Variants in CCL28 observed in about 807,000 individuals in gnomAD.
CCL28 encodes C-C motif chemokine 28.
A neutral mutation model predicts 7.1 loss-of-function variants in CCL28; 4 were observed. The observed-to-expected ratio is 0.56, with a 90% CI of 0.28 to 1.29. The LOEUF (loss-of-function observed/expected upper bound fraction) is 1.29. CCL28 is among the 50% of genes most tolerant of loss of function. The pLI, the probability that CCL28 is intolerant of heterozygous loss-of-function variation, is 0.11. For synonymous variants in CCL28, 55 were observed against 57.8 expected (o/e 0.95, Z 0.22); for missense variants, 151 against 163.4 (o/e 0.92, Z 0.41).
At chr5:43,384,051 C>A in intron 2 of CCL28, 1 of 164,096 alleles carries the variant, frequency 6.1e-6, no homozygotes, top group South Asian at 1.3e-4. Context: ...GATCATGTCA[C>A]TGCACTCCAG....
chr5:43,411,741 C>T (rs1010238545), intron 1 of CCL28, among the ~76,000 whole-genome samples: 3 of 152,190 alleles, frequency 2.0e-5, no homozygotes, highest in African/African-American at 7.2e-5. Flanking sequence ...TCTGCCCTCC[C>T]TTTTTAAAGG....
At chr5:43,375,298 C>T (rs1172539296), downstream of CCL28, among the ~76,000 whole-genome samples, 1 of 143,650 alleles carries the variant, frequency 7.0e-6, no homozygotes, top group African/African-American at 2.6e-5. Flanking sequence ...CAATAGTCTT[C>T]CTATTAAAAG....
At chr5:43,407,703 G>A (rs1361532980) in intron 1 of CCL28, among the ~76,000 whole-genome samples, 1 of 152,122 alleles carries the variant, frequency 6.6e-6, no homozygotes, top group African/African-American at 2.4e-5. Context: ...AGAGTGAACA[G>A]GCAACCTACA....
chr5:43,385,021 C>T (rs1336367863), intron 2 of CCL28, among the ~76,000 whole-genome samples: 4 of 152,028 alleles, frequency 2.6e-5, no homozygotes, highest in East Asian at 3.9e-4. Context: ...CTCAGCCTCC[C>T]GAGTAGCTGG....
chr5:43,374,523 C>T (rs1739844254), downstream of CCL28, among the ~76,000 whole-genome samples: 4 of 152,360 alleles, frequency 2.6e-5, no homozygotes, highest in Middle Eastern at 3.4e-3. Flanking sequence ...TGGCTCACGC[C>T]TGTAATCCCA....
At chr5:43,407,441 T>A (rs964755407) in intron 1 of CCL28, among the ~76,000 whole-genome samples, 6 of 152,224 alleles carry the variant, frequency 3.9e-5, no homozygotes, top group Admixed American at 6.5e-5. Context: ...GCTAGCCATA[T>A]GTAGAAAGCT....
chr5:43,358,553 A>G, the CCL28 span, among the ~76,000 whole-genome samples: 3 of 152,306 alleles, frequency 2.0e-5, no homozygotes, highest in Admixed American at 2.0e-4. Context: ...AAGTAACTTC[A>G]TTTTGGTTTG....
intron 2 of CCL28, among the ~76,000 whole-genome samples, chr5:43,386,886 C>T (rs1207823504): frequency 6.6e-6 from 1 of 152,090 alleles, no homozygotes; most frequent in African/African-American, 2.4e-5. Context: ...ATAAAGAGTC[C>T]CCTTGAGACT....
At chr5:43,392,658 A>C (rs115991970) in intron 1 of CCL28, among the ~76,000 whole-genome samples, 1,744 of 152,262 alleles carry the variant, frequency 0.011, 24 homozygotes, top group African/African-American at 0.026. Flanking sequence ...ACTTTTCATA[A>C]TGTCGTTTTA....
In CCL28 at chr5:43,385,099, G is replaced by A. The variant is rs1354769624; in HGVS notation, c.192-3047C>T. 1.4e-4 allele frequency among the ~76,000 whole-genome samples: 21 copies of A among 152,222 alleles called. No individual in the cohort carries two copies. The East Asian group carries it at 3.7e-3, about 27-fold the overall frequency. ...TTTTTAGTAGAGACAAGGTTTCACC[G>A]TGTTAGCCAGGATGGTCTCGATCTT... On this transcript the variant is annotated intron_variant, in intron 2 of 2. Coordinates refer to ENST00000361115, the MANE Select transcript of CCL28 (RefSeq NM_148672.3).
the CCL28 span, among the ~76,000 whole-genome samples, chr5:43,358,473 C>G: frequency 1.3e-5 from 2 of 152,240 alleles, no homozygotes; most frequent in African/African-American, 2.4e-5. Context: ...GGCTATCTTT[C>G]TCTCTTCTCG....
chr5:43,378,239 T>C (rs1739966624), downstream of CCL28, among the ~76,000 whole-genome samples: 2 of 149,426 alleles, frequency 1.3e-5, no homozygotes, highest in Non-Finnish European at 2.9e-5. Flanking sequence ...TAGTCCCAGT[T>C]ACTAGGGAGG....
At chr5:43,374,465 T>C (rs1051818256), downstream of CCL28, among the ~76,000 whole-genome samples, 1 of 152,164 alleles carries the variant, frequency 6.6e-6, no homozygotes, top group Non-Finnish European at 1.5e-5. Context: ...ACATATACCA[T>C]AGTTCTATTT....
chr5:43,403,947 G>A (rs112523888), intron 1 of CCL28, among the ~76,000 whole-genome samples: 1 of 152,114 alleles, frequency 6.6e-6, no homozygotes, highest in East Asian at 1.9e-4. Context: ...AGTGAGAAGA[G>A]AAGTTTAGAG....
intron 1 of CCL28, among the ~76,000 whole-genome samples, chr5:43,405,744 C>A (rs1047121567): frequency 1.3e-5 from 2 of 151,958 alleles, no homozygotes; most frequent in African/African-American, 4.8e-5. Flanking sequence ...ATTGATAGAC[C>A]ACTAGCAAGA....
At chr5:43,373,596 G>A (rs114127067), downstream of CCL28, among the ~76,000 whole-genome samples, 605 of 152,096 alleles carry the variant, frequency 4.0e-3, 3 homozygotes, top group Middle Eastern at 0.014. Context: ...CACCACACCC[G>A]GACTAACACT....
At chr5:43,367,822 C>A in the CCL28 span, among the ~76,000 whole-genome samples, 1 of 152,232 alleles carries the variant, frequency 6.6e-6, no homozygotes, top group Non-Finnish European at 1.5e-5. Context: ...GGCTATCTTG[C>A]CCGCAACTAC....
At chr5:43,379,081 T>C (rs1740002054), downstream of CCL28, 1 of 152,228 alleles carries the variant, frequency 6.6e-6, no homozygotes, top group Non-Finnish European at 1.5e-5. Flanking sequence ...CATGTAAACC[T>C]ACTGTCATTC....
chr5:43,373,313 G>A (rs1450619030), downstream of CCL28, among the ~76,000 whole-genome samples: 1 of 151,658 alleles, frequency 6.6e-6, no homozygotes, highest in Non-Finnish European at 1.5e-5. Context: ...TTGTGTGTGT[G>A]TGTGTGAGAT....
Sources: gnomAD v4.1 joint callset for allele counts (sites outside exome capture counted in the v4.1 genomes callset) on GRCh38, gnomAD v4.1.1 for gene constraint, MANE v1.5 for transcripts, NCBI Gene and HGNC (gene_info 2026-07-23, HGNC 2026-07-21) for gene names.